Variants in SGMS2 observed in about 807,000 individuals in gnomAD.
The protein encoded by SGMS2 is sphingomyelin synthase 2.
SGMS2 carries 21 observed loss-of-function variants against 43.8 expected under a neutral mutation model. That is an observed-to-expected ratio of 0.48 (90% CI 0.34 to 0.69). SGMS2 has a LOEUF of 0.69. SGMS2 is among the 30% of genes least tolerant of loss of function. The pLI, the probability that SGMS2 is intolerant of heterozygous loss-of-function variation, is 0.01. For synonymous variants in SGMS2, 167 were observed against 160.6 expected (o/e 1.04, Z -0.30); for missense variants, 384 against 443.2 (o/e 0.87, Z 1.20).
At chr4:107,884,720 C>T (rs1449448231) in intron 2 of SGMS2, among the ~76,000 whole-genome samples, 1 of 152,132 alleles carries the variant, frequency 6.6e-6, no homozygotes, top group Non-Finnish European at 1.5e-5. Flanking sequence ...CTGGAAGCCC[C>T]CTCCCCACTT....
intron 2 of SGMS2, among the ~76,000 whole-genome samples, chr4:107,886,079 A>G (rs543492467): frequency 5.3e-5 from 8 of 152,324 alleles, no homozygotes; most frequent in African/African-American, 1.4e-4. Context: ...AATAATGCCA[A>G]TAGAATTTTT....
intron 1 of SGMS2, among the ~76,000 whole-genome samples, chr4:107,852,123 C>T (rs1258874682): frequency 6.6e-6 from 1 of 151,032 alleles, no homozygotes; most frequent in African/African-American, 2.4e-5. Flanking sequence ...GGCTGGATTG[C>T]AGTGGCGCGA....
chr4:107,829,263 C>G (rs1725761031), intron 1 of SGMS2, among the ~76,000 whole-genome samples: 1 of 152,102 alleles, frequency 6.6e-6, no homozygotes, highest in African/African-American at 2.4e-5. Flanking sequence ...AAATATAAAG[C>G]ATTTCTTGAA....
intron 1 of SGMS2, among the ~76,000 whole-genome samples, chr4:107,841,206 C>A (rs1726477312): frequency 6.6e-6 from 1 of 152,130 alleles, no homozygotes; most frequent in South Asian, 2.1e-4. Flanking sequence ...AACCAAAACT[C>A]TATGAAGTTG....
Position 107,910,475 on chromosome 4 carries a change from T to C in SGMS2, c.1020T>C (p.Pro340=), listed in dbSNP as rs924028214. 6.8e-6 allele frequency: 11 copies of C among 1,613,962 alleles called. 1 individual carries two copies. The highest frequency in any genetic ancestry group is 2.7e-5 in the African/African-American group (2 of 74,914). Residue 340 remains proline (P), a synonymous_variant, in exon 7 of 7, where the codon CCT becomes CCC. Coordinates refer to ENST00000690982, the MANE Select transcript of SGMS2 (RefSeq NM_001375905.1). The part of the protein sequence containing the change: ...PCCFSWPLSW[P]PGCFKSSCKK... ...GCTTCTCCTGGCCGCTGTCTTGGCC[T>C]CCTGGCTGCTTCAAATCATCATGCA...
intron 2 of SGMS2, among the ~76,000 whole-genome samples, chr4:107,869,630 T>G (rs1728403511): frequency 6.6e-6 from 1 of 151,990 alleles, no homozygotes; most frequent in Non-Finnish European, 1.5e-5. Context: ...TTAAGTAAAT[T>G]GTGTTAATTT....
chr4:107,908,888 C>T (rs2126162350), intron 6 of SGMS2, among the ~76,000 whole-genome samples, 157 bp downstream of exon 6: 1 of 152,148 alleles, frequency 6.6e-6, no homozygotes, highest in South Asian at 2.1e-4. Context: ...AAGCAAAGAA[C>T]TTCACAAATA....
chr4:107,835,844 C>T (rs901262627), intron 1 of SGMS2, among the ~76,000 whole-genome samples: 8 of 152,106 alleles, frequency 5.3e-5, no homozygotes, highest in African/African-American at 1.7e-4. Context: ...AGTTTCTGAG[C>T]TTACAAAGAG....
At chr4:107,898,783 G>T (rs1357204177) in intron 3 of SGMS2, among the ~76,000 whole-genome samples, 1 of 152,186 alleles carries the variant, frequency 6.6e-6, no homozygotes, top group Admixed American at 6.5e-5. Context: ...GCCTGCCTCA[G>T]GCTGAGGACT....
chr4:107,863,022 C>T (rs1465607020), intron 2 of SGMS2, among the ~76,000 whole-genome samples: 4 of 152,180 alleles, frequency 2.6e-5, no homozygotes, highest in African/African-American at 9.7e-5. Context: ...AAGAATGCCA[C>T]CTTACTGGGC....
intron 2 of SGMS2, among the ~76,000 whole-genome samples, chr4:107,870,122 T>C (rs991810050): frequency 6.6e-6 from 1 of 152,250 alleles, no homozygotes; most frequent in Non-Finnish European, 1.5e-5. Context: ...TGATGCCTGC[T>C]ATTCCTAATA....
At chr4:107,896,119 A>G in intron 3 of SGMS2, 111 bp downstream of exon 3, 1 of 974,590 alleles carries the variant, frequency 1.0e-6, no homozygotes, top group Non-Finnish European at 1.5e-6. Context: ...AGTCTTACCC[A>G]AACATTTGAT....
chr4:107,898,451 C>G (rs1223192860), intron 3 of SGMS2, among the ~76,000 whole-genome samples: 2 of 152,106 alleles, frequency 1.3e-5, no homozygotes, highest in African/African-American at 4.8e-5. Context: ...CCTGAAACTG[C>G]CTGTTTTTTC....
At position 107,913,111 on chromosome 4, in the gene SGMS2, T is replaced by A. The variant is rs2126174686; in HGVS notation, c.*2558T>A. 6.6e-6 allele frequency: 1 copy of A among 152,298 alleles called. No homozygotes were observed. Among genetic ancestry groups the A allele is most frequent in the South Asian group, 2.1e-4 (1 of 4,830 alleles). The allele number at this position is 152,298 out of a possible 1,614,324, so 9.4% of individuals were successfully genotyped here. A position where few individuals can be genotyped will look rare whatever the true frequency, so the allele number is the denominator to read the frequency against. On this transcript the variant is annotated 3_prime_UTR_variant, in exon 7 of 7. Coordinates refer to ENST00000690982, the MANE Select transcript of SGMS2 (RefSeq NM_001375905.1). Reference sequence around the variant, plus strand: ...TCATAAATGTTTGGGGTACCTGTTCTTTGCCAGTTAAGATACATATCTTAT... The same window carrying A: ...TCATAAATGTTTGGGGTACCTGTTCATTGCCAGTTAAGATACATATCTTAT...
chr4:107,828,968 CTT>C (rs1725744178), intron 1 of SGMS2, among the ~76,000 whole-genome samples: 1 of 152,082 alleles, frequency 6.6e-6, no homozygotes, highest in Non-Finnish European at 1.5e-5. Context: ...AGCTAAATGT[CTT>C]TTTTGGGGAA....
intron 2 of SGMS2, among the ~76,000 whole-genome samples, chr4:107,862,690 AAG>A (rs1489423594): frequency 2.0e-5 from 3 of 152,190 alleles, no homozygotes; most frequent in Non-Finnish European, 4.4e-5. Context: ...GAAAGTGGGA[AAG>A]AACACTGTCA....
chr4:107,895,886 T>A lies in SGMS2; in HGVS notation c.333T>A (p.Pro111=). Residue 111 remains proline, a synonymous_variant, in exon 3 of 7, where the codon CCT becomes CCA. Transcript: ENST00000690982. ...HERVPPKELS[P]PLPDKFFDYI... ...GGGTCCCTCCCAAGGAGCTTAGCCCTCCACTCCCAGACAAGTTTTTTGATT... is the reference window on the plus strand; with the variant it reads ...GGGTCCCTCCCAAGGAGCTTAGCCCACCACTCCCAGACAAGTTTTTTGATT... 6.2e-7 allele frequency: 1 copy of A among 1,613,954 alleles called. No individual in the cohort carries two copies. The highest frequency in any genetic ancestry group is 2.2e-5 in the East Asian group (1 of 44,860).
At chr4:107,909,137 G>C (rs1273027472) in intron 6 of SGMS2, among the ~76,000 whole-genome samples, 1 of 147,710 alleles carries the variant, frequency 6.8e-6, no homozygotes, top group African/African-American at 2.5e-5. Flanking sequence ...ACAGAGTCTT[G>C]TTCTATTGCC....
intron 2 of SGMS2, among the ~76,000 whole-genome samples, chr4:107,858,843 A>G (rs762580462): frequency 1.3e-5 from 2 of 152,234 alleles, no homozygotes; most frequent in Non-Finnish European, 2.9e-5. Context: ...AGGTAACCCC[A>G]TAACTTTCTA....
Sources: allele counts gnomAD v4.1 joint callset (sites outside exome capture counted in the v4.1 genomes callset), GRCh38; gene constraint gnomAD v4.1.1; transcripts MANE v1.5; gene names NCBI Gene and HGNC (gene_info 2026-07-23, HGNC 2026-07-21).